ATP10D: variants seen among roughly 807,000 people sequenced by gnomAD.
The protein encoded by ATP10D is ATPase phospholipid transporting 10D (putative).
A neutral mutation model predicts 144.8 loss-of-function variants in ATP10D; 89 were observed. That is an observed-to-expected ratio of 0.61 (90% CI 0.52 to 0.73). The LOEUF (loss-of-function observed/expected upper bound fraction) is 0.73. ATP10D is among the 30% of genes least tolerant of loss of function. ATP10D has a pLI of 0.00. For missense variants in ATP10D, 1,603 were observed against 1,714.8 expected (o/e 0.93, Z 1.15); for synonymous variants, 571 against 615.1 (o/e 0.93, Z 1.06).
chr4:47,553,210 G>C (rs541500965), intron 10 of ATP10D, among the ~76,000 whole-genome samples: 3 of 152,288 alleles, frequency 2.0e-5, no homozygotes, highest in Admixed American at 6.5e-5. Flanking sequence ...TTAAGGCCAG[G>C]GTTGTTCCCT....
At chr4:47,522,676 T>C (rs1274405364) in intron 3 of ATP10D, among the ~76,000 whole-genome samples, 1 of 152,182 alleles carries the variant, frequency 6.6e-6, no homozygotes, top group East Asian at 1.9e-4. Context: ...TTCAAGCGAT[T>C]CTCCCGTCTC....
rs181687197 is a variant in ATP10D, at chr4:47,535,778, A to C, written c.884-124A>C. On this transcript the variant is annotated intron_variant, in intron 6 of 22. Coordinates refer to ENST00000273859, the MANE Select transcript of ATP10D (RefSeq NM_020453.4). ...CTAAATGGATCACAAAAGCAGATTGAACTGACAAAATAGATCATGTAACTG... is the reference window on the plus strand; with the variant it reads ...CTAAATGGATCACAAAAGCAGATTGCACTGACAAAATAGATCATGTAACTG... 13,126 of 1,345,390 alleles carry C rather than the reference A, an allele frequency of 9.8e-3. 97 individuals are homozygous for C. The highest frequency in any genetic ancestry group is 0.012 in the Non-Finnish European group (11,924 of 997,420). 83.3% of individuals were successfully genotyped at this position (1,345,390 alleles called of 1,614,324 possible). A position where few individuals can be genotyped will look rare whatever the true frequency, so the allele number is the denominator to read the frequency against.
intron 5 of ATP10D, among the ~76,000 whole-genome samples, chr4:47,527,781 T>C (rs1333234277): frequency 6.6e-6 from 1 of 152,172 alleles, no homozygotes; most frequent in African/African-American, 2.4e-5. Flanking sequence ...ACTCATATGC[T>C]ACTGGTGGGA....
chr4:47,534,150 G>A (rs1380667565), intron 5 of ATP10D, among the ~76,000 whole-genome samples: 2 of 152,066 alleles, frequency 1.3e-5, no homozygotes, highest in Non-Finnish European at 2.9e-5. Flanking sequence ...ATTCTAGATT[G>A]AGGTGACTTC....
Position 47,560,950 on chromosome 4 carries a change from T to A in ATP10D, c.2543T>A (p.Val848Asp). The change falls in exon 14 of 23, where the codon GTC becomes GAC. Residue 848 changes from valine (V) to aspartate (D), a missense_variant and splice_region_variant. Coordinates refer to ENST00000273859, the MANE Select transcript of ATP10D (RefSeq NM_020453.4). The part of the protein sequence containing the change: ...GLRTLCIAKK[V>D]MSDTEYAEWL... ...CCTCTCTTTTAATTCTTCCCGTAGG[T>A]CATGAGTGACACTGAATATGCAGAG... 1.2e-6 allele frequency: 2 copies of A among 1,614,136 alleles called. No homozygotes were observed. The highest frequency in any genetic ancestry group is 1.7e-6 in the Non-Finnish European group (2 of 1,179,996).
At position 47,557,748 on chromosome 4, in the gene ATP10D, T is replaced by G; in HGVS notation, c.1909T>G (p.Ser637Ala). 6.2e-7 allele frequency: 1 copy of G among 1,614,190 alleles called. No individual in the cohort carries two copies. Among genetic ancestry groups the G allele is most frequent in the South Asian group, 1.1e-5 (1 of 91,076 alleles). ...TTTCCAGAGATGGTCTGTCCGAAGA[T>G]CAAGTTCTCCATCGCTTAACAGTGG... Reference protein sequence around the residue: ...SLFQRWSVRRSSSPSLNSGKE... With the variant: ...SLFQRWSVRRASSPSLNSGKE... The change falls in exon 12 of 23, where the codon TCA (serine) becomes GCA (alanine). Residue 637 changes from serine to alanine, a missense_variant. Transcript: ENST00000273859.
chr4:47,569,135 C>A lies in ATP10D; in HGVS notation c.3152C>A (p.Thr1051Asn). 1.2e-6 allele frequency: 2 copies of A among 1,612,796 alleles called. No homozygotes were observed. Among genetic ancestry groups the A allele is most frequent in the Non-Finnish European group, 1.7e-6 (2 of 1,179,536 alleles). The change falls in exon 16 of 23, where the codon ACC becomes AAC. Residue 1051 changes from threonine (T) to asparagine (N), a missense_variant. Transcript: ENST00000273859. ...KLVRSHLQVM[T>N]LAIGDGANDV... ...GTCCGCAGCCATCTCCAGGTGATGA[C>A]CCTTGCTATTGGTGAGTGAGGATGA...
At chr4:47,539,475 G>A (rs1472957253) in intron 9 of ATP10D, among the ~76,000 whole-genome samples, 1 of 151,720 alleles carries the variant, frequency 6.6e-6, no homozygotes, top group Non-Finnish European at 1.5e-5. Context: ...GCACTTTTGG[G>A]GTCTTTTTTT....
At chr4:47,524,295 G>A (rs1304699358) in intron 4 of ATP10D, among the ~76,000 whole-genome samples, 2 of 152,046 alleles carry the variant, frequency 1.3e-5, no homozygotes, top group Non-Finnish European at 2.9e-5. Flanking sequence ...ACCAAAAAAA[G>A]TGGTTTAGCC....
chr4:47,557,610 T>A, intron 11 of ATP10D, 54 bp from the exon 12 acceptor site: 1 of 1,460,384 alleles, frequency 6.8e-7, no homozygotes, highest in South Asian at 1.6e-5. Context: ...GCCTTCAAAG[T>A]TGTTAGAAAC....
chr4:47,552,911 A>T (rs1333854958), intron 10 of ATP10D, among the ~76,000 whole-genome samples: 1 of 152,100 alleles, frequency 6.6e-6, no homozygotes, highest in East Asian at 1.9e-4. Context: ...TACCCATTAA[A>T]CTCTCTGAGA....
At chr4:47,535,745 CTG>C (rs1717812197) in intron 6 of ATP10D, 130 bp downstream of exon 6, 1 of 1,319,120 alleles carries the variant, frequency 7.6e-7, no homozygotes, top group Admixed American at 2.7e-5. Flanking sequence ...TTATTGGTCT[CTG>C]TTTTTCTAAA....
At chr4:47,524,803 C>T (rs7662844) in intron 4 of ATP10D, among the ~76,000 whole-genome samples, 105,574 of 152,092 alleles carry the variant, frequency 0.69, 36,973 homozygotes, top group East Asian at 0.97. Context: ...GATTTTAGTG[C>T]GTCGAAAGAA....
At chr4:47,514,246 T>G (rs1716511362) in intron 2 of ATP10D, among the ~76,000 whole-genome samples, 1 of 152,240 alleles carries the variant, frequency 6.6e-6, no homozygotes, top group South Asian at 2.1e-4. Flanking sequence ...AAAGGACAGA[T>G]TTGAATTTGT....
chr4:47,552,310 C>G (rs1718766846), intron 10 of ATP10D, among the ~76,000 whole-genome samples: 1 of 152,198 alleles, frequency 6.6e-6, no homozygotes, highest in Non-Finnish European at 1.5e-5. Context: ...TCCATTCAGG[C>G]TGCCAGAACA....
chr4:47,521,906 C>T (rs1716962356), intron 3 of ATP10D, among the ~76,000 whole-genome samples: 1 of 152,102 alleles, frequency 6.6e-6, no homozygotes, highest in Non-Finnish European at 1.5e-5. Flanking sequence ...TGAAAATGTA[C>T]TTCTTAGGTA....
intron 5 of ATP10D, among the ~76,000 whole-genome samples, chr4:47,533,773 C>T (rs955397409): frequency 6.6e-5 from 10 of 152,098 alleles, no homozygotes; most frequent in Admixed American, 1.3e-4. Context: ...ATAACGAACA[C>T]CCATGTGGCG....
chr4:47,554,758 A>G lies in ATP10D; in HGVS notation c.1668A>G (p.Leu556=). ...ACGTGGTACCAGACACCAGGCTTTT[A>G]GACAAATTTAGTCAGATTACACCTC... The part of the protein sequence containing the change: ...ETDVVPDTRL[L]DKFSQITPRL... Residue 556 remains leucine, a synonymous_variant, in exon 11 of 23, where the codon TTA becomes TTG. Coordinates refer to ENST00000273859, the MANE Select transcript of ATP10D (RefSeq NM_020453.4). 6.2e-7 allele frequency: 1 copy of G among 1,613,572 alleles called. No individual in the cohort carries two copies. The highest frequency in any genetic ancestry group is 1.1e-5 in the South Asian group (1 of 90,934).
intron 1 of ATP10D, among the ~76,000 whole-genome samples, chr4:47,487,992 A>G (rs142243435): frequency 1.3e-5 from 2 of 152,256 alleles, no homozygotes; most frequent in East Asian, 3.9e-4. Flanking sequence ...ACAAAACAAA[A>G]CCTGTGAATG....
Sources: allele counts gnomAD v4.1 joint callset (sites outside exome capture counted in the v4.1 genomes callset), GRCh38; gene constraint gnomAD v4.1.1; transcripts MANE v1.5; gene names NCBI Gene and HGNC (gene_info 2026-07-23, HGNC 2026-07-21).